The following ROCK2 variants were observed in gnomAD, a reference collection of about 807,000 sequenced individuals.
ROCK2 encodes rho-associated protein kinase 2.
In ROCK2, 61 loss-of-function variants were observed where a neutral mutation model predicts 195.1. That is an observed-to-expected ratio of 0.31 (90% CI 0.25 to 0.39). The LOEUF (loss-of-function observed/expected upper bound fraction) is 0.39, where lower values mean the gene tolerates loss of function less well. ROCK2 is among the 10% of genes least tolerant of loss of function. ROCK2 has a pLI of 1.00. For synonymous variants in ROCK2, 504 were observed against 545.5 expected (o/e 0.92, Z 1.06); for missense variants, 1,109 against 1,637.4 (o/e 0.68, Z 5.57).
intron 3 of ROCK2, among the ~76,000 whole-genome samples, chr2:11,277,229 T>A (rs1218567381): frequency 1.3e-5 from 2 of 152,226 alleles, no homozygotes; most frequent in Non-Finnish European, 2.9e-5. Flanking sequence ...AAATGTTATG[T>A]ATCCACCAAT....
intron 32 of ROCK2, among the ~76,000 whole-genome samples, chr2:11,188,322 C>T (rs906580250): frequency 1.3e-5 from 2 of 151,898 alleles, no homozygotes; most frequent in Admixed American, 1.3e-4. Context: ...CTTGGCCAGG[C>T]TTGTCTTGAA....
At position 11,316,981 on chromosome 2, in the gene ROCK2, G is replaced by C. The variant is rs147193508; in HGVS notation, c.141+27015C>G. Among the ~76,000 whole-genome samples the C allele has an allele frequency of 7.7e-4, 117 of 152,160 alleles. 1 individual carries two copies. Among genetic ancestry groups the C allele is most frequent in the African/African-American group, 2.7e-3 (111 of 41,530 alleles). ...TAAACCAAACCTTTAATTGATGGAG[G>C]ATACCAGCACAGTTAAGAAGCTTAA... is the stretch of plus-strand genomic sequence containing the variant. On this transcript the variant is annotated intron_variant, in intron 1 of 32. Coordinates refer to ENST00000315872, the MANE Select transcript of ROCK2 (RefSeq NM_004850.5).
intron 1 of ROCK2, among the ~76,000 whole-genome samples, chr2:11,303,134 T>C (rs1169061686): frequency 6.6e-6 from 1 of 152,266 alleles, no homozygotes; most frequent in Non-Finnish European, 1.5e-5. Flanking sequence ...TTTTATCTAT[T>C]CTTCAAAGAT....
chr2:11,259,757 T>C (rs1411818137), intron 3 of ROCK2, among the ~76,000 whole-genome samples: 1 of 151,432 alleles, frequency 6.6e-6, no homozygotes, highest in East Asian at 1.9e-4. Context: ...ATACTTTTCT[T>C]GTAAAAAAAA....
At chr2:11,228,898 A>G (rs1664903453) in intron 5 of ROCK2, among the ~76,000 whole-genome samples, 1 of 152,088 alleles carries the variant, frequency 6.6e-6, no homozygotes, top group South Asian at 2.1e-4. Flanking sequence ...AAGGACGGAT[A>G]AGCTAGGGTT....
rs532371142 is a variant in ROCK2 at position 11,339,662 on chromosome 2, T to C, written c.141+4334A>G. ...TTAGTGAATCTTAGAAACACCATTT[T>C]CAGTAAATAAAGCAAGTCATAAAAG... On this transcript the variant is annotated intron_variant, in intron 1 of 32. Coordinates refer to ENST00000315872, the MANE Select transcript of ROCK2 (RefSeq NM_004850.5). Among the ~76,000 whole-genome samples the C allele has an allele frequency of 8.5e-5, 13 of 152,250 alleles. No homozygotes were observed. The East Asian group carries it at 1.7e-3, about 20-fold the overall frequency.
At chr2:11,302,436 T>C (rs1354489226) in intron 1 of ROCK2, among the ~76,000 whole-genome samples, 2 of 152,044 alleles carry the variant, frequency 1.3e-5, no homozygotes, top group African/African-American at 4.8e-5. Context: ...GCCTCCCAAG[T>C]AGCTGGGATT....
chr2:11,267,614 A>G (rs1379296526), intron 3 of ROCK2, among the ~76,000 whole-genome samples: 1 of 151,928 alleles, frequency 6.6e-6, no homozygotes, highest in Non-Finnish European at 1.5e-5. Flanking sequence ...ATGTACCCCA[A>G]ATGAAACTTT....
rs990758515 is a variant in ROCK2, at chr2:11,200,928, T to C, written c.2910+29A>G. On this transcript the variant is annotated intron_variant, in intron 23 of 32. Coordinates refer to ENST00000315872, the MANE Select transcript of ROCK2 (RefSeq NM_004850.5). ...TTAAGATATAGCAATTTAACTATAA[T>C]CCAAAAAAGCACCAAGAATTTGACT... 4 of 1,562,796 alleles carry C rather than the reference T, an allele frequency of 2.6e-6. No homozygotes were observed. In the African/African-American group the frequency reaches 4.1e-5, roughly 16 times the overall value.
rs545733510 is a variant in ROCK2, at chr2:11,314,258, C to A, written c.142-26522G>T. On this transcript the variant is annotated intron_variant, in intron 1 of 32. Transcript: ENST00000315872. ...TCTAATGTAGCATCTAAAAACATTA[C>A]TATGAATGTTTTCTAATTTGCTGCT... 2.2e-4 allele frequency among the ~76,000 whole-genome samples: 33 copies of A among 152,042 alleles called. 1 individual carries two copies. In the South Asian group the frequency reaches 6.2e-3, roughly 29 times the overall value.
chr2:11,254,401 C>T (rs1665944588), intron 3 of ROCK2, among the ~76,000 whole-genome samples: 1 of 152,042 alleles, frequency 6.6e-6, no homozygotes, highest in Non-Finnish European at 1.5e-5. Flanking sequence ...AATGAAGCAG[C>T]TAAATTATTC....
intron 6 of ROCK2, 149 bp downstream of exon 6, chr2:11,227,105 C>T (rs1019504865): frequency 3.2e-6 from 2 of 622,872 alleles, no homozygotes; most frequent in South Asian, 2.4e-5. Flanking sequence ...TAACAGTCTG[C>T]CCTATCAGAT....
intron 1 of ROCK2, among the ~76,000 whole-genome samples, chr2:11,343,494 C>T (rs1669174139): frequency 6.6e-6 from 1 of 152,162 alleles, no homozygotes; most frequent in Admixed American, 6.5e-5. Context: ...CAAGTGAAAA[C>T]AGCAAAACTT....
At chr2:11,229,686 T>C (rs1664936195) in intron 5 of ROCK2, among the ~76,000 whole-genome samples, 1 of 146,684 alleles carries the variant, frequency 6.8e-6, no homozygotes, top group Non-Finnish European at 1.5e-5. Flanking sequence ...TTAGAGAAGG[T>C]AGAAAGAAAC....
chr2:11,222,209 A>G, intron 7 of ROCK2, 35 bp from the exon 8 acceptor site: 1 of 1,228,024 alleles, frequency 8.1e-7, no homozygotes, highest in Non-Finnish European at 1.2e-6. Context: ...ATTATTTAAA[A>G]ATTATAAAAT....
intron 6 of ROCK2, among the ~76,000 whole-genome samples, chr2:11,226,871 A>G (rs1664827395): frequency 6.9e-6 from 1 of 145,722 alleles, no homozygotes; most frequent in Non-Finnish European, 1.5e-5. Context: ...CATTCATGCC[A>G]CTGCACTCCA....
At chr2:11,223,097 G>A (rs1664692370) in intron 7 of ROCK2, among the ~76,000 whole-genome samples, 1 of 152,046 alleles carries the variant, frequency 6.6e-6, no homozygotes, top group South Asian at 2.1e-4. Context: ...CTCTTAGAAA[G>A]AGGCGTCTCT....
intron 2 of ROCK2, 94 bp from the exon 3 acceptor site, chr2:11,286,733 A>ACAGTTTTTAGCTAAACTTGC (rs1356411420): frequency 2.4e-4 from 193 of 787,922 alleles, no homozygotes; most frequent in Non-Finnish European, 3.4e-4. Context: ...TCAAGAAAAG[A>ACAGTTTTTAGCTAAACTTGC]CAGTTTTTAG....
intron 1 of ROCK2, among the ~76,000 whole-genome samples, chr2:11,337,051 T>C (rs1309036765): frequency 6.6e-6 from 1 of 152,168 alleles, no homozygotes; most frequent in Non-Finnish European, 1.5e-5. Flanking sequence ...GAGACCAGCC[T>C]GGCCAACATG....
Sources: gnomAD v4.1 joint callset for allele counts (sites outside exome capture counted in the v4.1 genomes callset) on GRCh38, gnomAD v4.1.1 for gene constraint, MANE v1.5 for transcripts, NCBI Gene and HGNC (gene_info 2026-07-23, HGNC 2026-07-21) for gene names.